Variants in ZBTB20 observed in about 807,000 individuals in gnomAD.
The protein encoded by ZBTB20 is zinc finger and BTB domain containing 20.
ZBTB20 carries 9 observed loss-of-function variants against 56.9 expected under a neutral mutation model. The ratio of observed to expected loss-of-function variants is 0.16; its 90% CI spans 0.10 to 0.28. The LOEUF is 0.28. Among genes scored for constraint, ZBTB20 ranks in the 10% least tolerant of loss-of-function variants. The pLI is 1.00. For synonymous variants in ZBTB20, 417 were observed against 420.7 expected (o/e 0.99, Z 0.11); for missense variants, 655 against 1,003.0 (o/e 0.65, Z 4.69).
chr3:114,651,086 C>T (rs1391627671), intron 6 of ZBTB20, among the ~76,000 whole-genome samples: 3 of 152,028 alleles, frequency 2.0e-5, no homozygotes, highest in African/African-American at 7.2e-5. Context: ...ATGTAGTTGC[C>T]ATCTGGCATT....
At chr3:114,670,007 T>C (rs2061273681) in intron 6 of ZBTB20, among the ~76,000 whole-genome samples, 1 of 152,098 alleles carries the variant, frequency 6.6e-6, no homozygotes, top group African/African-American at 2.4e-5. Context: ...GAGAAAAGTT[T>C]GTGAGAATTA....
At chr3:114,653,943 G>T (rs1433171840) in intron 6 of ZBTB20, among the ~76,000 whole-genome samples, 1 of 151,092 alleles carries the variant, frequency 6.6e-6, no homozygotes, top group Non-Finnish European at 1.5e-5. Flanking sequence ...CTTTAATATT[G>T]TTATGATATG....
chr3:114,424,823 A>G (rs899358390), intron 7 of ZBTB20, among the ~76,000 whole-genome samples: 13 of 152,158 alleles, frequency 8.5e-5, no homozygotes, highest in Non-Finnish European at 1.3e-4. Flanking sequence ...CATGGCATTG[A>G]CCAAGTCCTT....
chr3:114,446,730 C>T (rs2091293844), intron 7 of ZBTB20, among the ~76,000 whole-genome samples: 1 of 152,130 alleles, frequency 6.6e-6, no homozygotes, highest in African/African-American at 2.4e-5. Context: ...CAGTGTTTGG[C>T]CTACGGCGGC....
chr3:114,602,239 C>T (rs532436477), intron 6 of ZBTB20, among the ~76,000 whole-genome samples: 3 of 151,952 alleles, frequency 2.0e-5, no homozygotes, highest in Non-Finnish European at 1.5e-5. Flanking sequence ...GAGATGAGAG[C>T]GGTGAGTATC....
At chr3:114,786,505 A>T (rs929082177) in intron 5 of ZBTB20, among the ~76,000 whole-genome samples, 1 of 152,174 alleles carries the variant, frequency 6.6e-6, no homozygotes, top group Non-Finnish European at 1.5e-5. Flanking sequence ...CAGAAAAACT[A>T]AAAAATTGAA....
chr3:114,976,861 T>TA (rs1364182395), intron 2 of ZBTB20, among the ~76,000 whole-genome samples: 1 of 151,992 alleles, frequency 6.6e-6, no homozygotes, highest in Non-Finnish European at 1.5e-5. Context: ...AATAAACACT[T>TA]AGAGAACAAA....
At chr3:114,755,756 T>C (rs757173291) in intron 5 of ZBTB20, among the ~76,000 whole-genome samples, 5 of 152,160 alleles carry the variant, frequency 3.3e-5, no homozygotes, top group Non-Finnish European at 7.4e-5. Context: ...GTACTGCTTC[T>C]GCTTCCGACC....
At chr3:114,692,249 T>G (rs1006077832) in intron 6 of ZBTB20, among the ~76,000 whole-genome samples, 2 of 152,178 alleles carry the variant, frequency 1.3e-5, no homozygotes, top group Admixed American at 1.3e-4. Flanking sequence ...TAATACGAGT[T>G]TCTTTTGGGG....
chr3:114,901,222 G>C (rs920348881), intron 3 of ZBTB20, among the ~76,000 whole-genome samples: 13 of 151,362 alleles, frequency 8.6e-5, no homozygotes, highest in African/African-American at 3.2e-4. Flanking sequence ...CCGAGATTAC[G>C]CTATTGCACT....
intron 4 of ZBTB20, among the ~76,000 whole-genome samples, chr3:114,831,087 C>CTTTTTTTTTT (rs57265260): frequency 3.6e-5 from 2 of 55,550 alleles, no homozygotes; most frequent in African/African-American, 4.9e-5. Context: ...TTTCTTTCTT[C>CTTTTTTTTTT]TTTTTTTTTT....
At chr3:114,906,710 G>A (rs372327777) in intron 3 of ZBTB20, among the ~76,000 whole-genome samples, 41 of 151,584 alleles carry the variant, frequency 2.7e-4, no homozygotes, top group Non-Finnish European at 4.9e-4. Context: ...GCCAGCCAGC[G>A]TCTGCAACAA....
intron 7 of ZBTB20, among the ~76,000 whole-genome samples, chr3:114,410,851 C>A (rs181763888): frequency 2.6e-5 from 4 of 152,220 alleles, no homozygotes; most frequent in Admixed American, 1.3e-4. Flanking sequence ...TTGAGCCGCC[C>A]ATTTTCTGGA....
At chr3:114,660,438 A>G (rs921732552) in intron 6 of ZBTB20, among the ~76,000 whole-genome samples, 2 of 151,732 alleles carry the variant, frequency 1.3e-5, no homozygotes, top group African/African-American at 2.4e-5. Flanking sequence ...ATTAAATTCC[A>G]CTCTACCTGC....
intron 7 of ZBTB20, among the ~76,000 whole-genome samples, chr3:114,494,305 G>T (rs563788615): frequency 6.6e-6 from 1 of 152,018 alleles, no homozygotes; most frequent in Non-Finnish European, 1.5e-5. Flanking sequence ...CTCTGAAAAG[G>T]GGCCCTTAGT....
At chr3:114,741,361 ACAGT>A (rs1350359761) in intron 5 of ZBTB20, among the ~76,000 whole-genome samples, 1 of 152,186 alleles carries the variant, frequency 6.6e-6, no homozygotes, top group African/African-American at 2.4e-5. Flanking sequence ...CTTTTATTGG[ACAGT>A]CAAATAATTT....
At chr3:114,625,002 G>A (rs1362480244) in intron 6 of ZBTB20, 1 of 152,632 alleles carries the variant, frequency 6.6e-6, no homozygotes, top group Non-Finnish European at 1.5e-5. Flanking sequence ...ATCACTAAGC[G>A]ACTGCACAGC....
Position 114,380,846 on chromosome 3 carries a change from G to C in ZBTB20, c.-59C>G. On this transcript the variant is annotated 5_prime_UTR_variant, in exon 9 of 12. Coordinates refer to ENST00000675478, the MANE Select transcript of ZBTB20 (RefSeq NM_001348800.3). ...TAATGGGAGGAGCACTGGACTGGGAGTCAGGAGACTTGAGCTACCGTACTA... is the reference window on the plus strand; with the variant it reads ...TAATGGGAGGAGCACTGGACTGGGACTCAGGAGACTTGAGCTACCGTACTA... The C allele has an allele frequency of 7.0e-7, 1 of 1,432,738 alleles. No homozygotes were observed. The highest frequency in any genetic ancestry group is 9.1e-7 in the Non-Finnish European group (1 of 1,096,182). The allele number at this position is 1,432,738 out of a possible 1,614,324, so 88.8% of individuals were successfully genotyped here.
chr3:114,474,814 C>A (rs771533329), intron 7 of ZBTB20, among the ~76,000 whole-genome samples: 12 of 152,262 alleles, frequency 7.9e-5, no homozygotes, highest in Middle Eastern at 3.4e-3. Flanking sequence ...CATCTCTGTT[C>A]ATTCCCTCTG....
Sources: gnomAD v4.1 joint callset for allele counts (sites outside exome capture counted in the v4.1 genomes callset) on GRCh38, gnomAD v4.1.1 for gene constraint, MANE v1.5 for transcripts, NCBI Gene and HGNC (gene_info 2026-07-23, HGNC 2026-07-21) for gene names.